TAF3: variants seen among roughly 807,000 people sequenced by gnomAD.
TAF3 encodes the protein transcription initiation factor TFIID subunit 3.
TAF3 carries 7 observed loss-of-function variants against 80.6 expected under a neutral mutation model. The observed-to-expected ratio is 0.09, with a 90% CI of 0.05 to 0.16. The LOEUF (loss-of-function observed/expected upper bound fraction) is 0.16, where lower values mean the gene tolerates loss of function less well. TAF3 is among the 10% of genes least tolerant of loss of function. TAF3 has a pLI of 1.00. For missense variants in TAF3, 921 were observed against 1,140.2 expected, an observed-to-expected ratio of 0.81 and a Z score of 2.77; for synonymous variants, 444 against 446.1, an observed-to-expected ratio of 1.00 and a Z score of 0.06.
chr10:7,932,366 C>G (rs971485142), intron 2 of TAF3, among the ~76,000 whole-genome samples: 24 of 152,180 alleles, frequency 1.6e-4, no homozygotes, highest in African/African-American at 4.8e-4. Flanking sequence ...GGCATCTCAA[C>G]TAGCTAGTGT....
intron 2 of TAF3, among the ~76,000 whole-genome samples, chr10:7,952,230 A>C (rs777530472): frequency 1.6e-4 from 24 of 152,122 alleles, no homozygotes; most frequent in Non-Finnish European, 3.1e-4. Flanking sequence ...AGATATTGAC[A>C]TTGTCTGAAG....
chr10:7,873,462 T>C (rs76027842), intron 2 of TAF3, among the ~76,000 whole-genome samples: 3 of 152,332 alleles, frequency 2.0e-5, no homozygotes, highest in African/African-American at 7.2e-5. Context: ...GAACCTGTCA[T>C]GTAATTTTAG....
intron 2 of TAF3, among the ~76,000 whole-genome samples, chr10:7,931,894 G>T (rs1837872587): frequency 6.6e-6 from 1 of 152,172 alleles, no homozygotes; most frequent in Non-Finnish European, 1.5e-5. Context: ...AAACAGAAAT[G>T]AATTCATTAC....
chr10:7,965,736 T>G lies in TAF3; in HGVS notation c.2226T>G (p.His742Gln). The G allele has an allele frequency of 6.5e-7, 1 of 1,532,280 alleles. No homozygotes were observed. Among genetic ancestry groups the G allele is most frequent in the Non-Finnish European group, 8.7e-7 (1 of 1,149,700 alleles). The allele number at this position is 1,532,280 out of a possible 1,614,324, so 94.9% of individuals were successfully genotyped here. ...AAAAAGAGAAGGAGAAACACAAGCA[T>G]GAAAAAGTAAGCAGTTTCTCATTTT... ...KREKEKEKHK[H>Q]EKIKVEPVAL... Residue 742 changes from histidine to glutamine, a missense_variant, in exon 3 of 7, where the codon CAT (histidine) becomes CAG (glutamine). Physicochemically the swap from His to Gln is conservative, Grantham distance 24 (BLOSUM62 0). Transcript: ENST00000344293.
chr10:7,828,097 C>A (rs954565333), intron 2 of TAF3, among the ~76,000 whole-genome samples: 1 of 152,118 alleles, frequency 6.6e-6, no homozygotes, highest in African/African-American at 2.4e-5. Flanking sequence ...AAGCTGCATT[C>A]AGTGGCACAC....
chr10:7,884,621 C>T (rs1386613946), intron 2 of TAF3, among the ~76,000 whole-genome samples: 1 of 152,152 alleles, frequency 6.6e-6, no homozygotes, highest in Non-Finnish European at 1.5e-5. Flanking sequence ...CTCCTGACCT[C>T]AGGTGATCCA....
chr10:7,886,471 A>G (rs914414473), intron 2 of TAF3, among the ~76,000 whole-genome samples: 12 of 152,344 alleles, frequency 7.9e-5, no homozygotes, highest in African/African-American at 2.9e-4. Context: ...AAAATATATA[A>G]TAACCAAAGA....
intron 4 of TAF3, among the ~76,000 whole-genome samples, chr10:7,981,171 G>A (rs1380422557): frequency 6.6e-6 from 1 of 152,206 alleles, no homozygotes; most frequent in Non-Finnish European, 1.5e-5. Flanking sequence ...TGAATATAGG[G>A]TAGAGGAATA....
chr10:7,899,057 G>A (rs1472281341), intron 2 of TAF3, among the ~76,000 whole-genome samples: 1 of 152,164 alleles, frequency 6.6e-6, no homozygotes, highest in Non-Finnish European at 1.5e-5. Flanking sequence ...CTACCTGGAA[G>A]GGAGGGATTC....
intron 2 of TAF3, among the ~76,000 whole-genome samples, chr10:7,899,771 G>A (rs1344409161): frequency 2.0e-5 from 3 of 152,208 alleles, no homozygotes; most frequent in East Asian, 1.9e-4. Flanking sequence ...GATCACGTTA[G>A]GGATGTGCTC....
At chr10:8,008,799 C>G (rs903814433) in intron 4 of TAF3, among the ~76,000 whole-genome samples, 1 of 152,096 alleles carries the variant, frequency 6.6e-6, no homozygotes, top group Admixed American at 6.5e-5. Flanking sequence ...CAGGAACAGG[C>G]AATTGAAGTC....
chr10:7,923,625 C>T (rs1337778262), intron 2 of TAF3, among the ~76,000 whole-genome samples: 1 of 149,900 alleles, frequency 6.7e-6, no homozygotes, highest in Non-Finnish European at 1.5e-5. Flanking sequence ...CCTCCCCCAA[C>T]AGTTGCTTTG....
At chr10:7,968,747 A>C (rs917444252) in intron 3 of TAF3, among the ~76,000 whole-genome samples, 1 of 152,214 alleles carries the variant, frequency 6.6e-6, no homozygotes, top group African/African-American at 2.4e-5. Context: ...ACAGGAGCCA[A>C]AATTTCAATC....
intron 2 of TAF3, among the ~76,000 whole-genome samples, chr10:7,851,101 A>C (rs1837022558): frequency 6.6e-6 from 1 of 152,262 alleles, no homozygotes; most frequent in Non-Finnish European, 1.5e-5. Context: ...TGTTTGGAAG[A>C]GGATAAGTAC....
At chr10:7,847,441 A>G (rs1193497074) in intron 2 of TAF3, among the ~76,000 whole-genome samples, 1 of 152,182 alleles carries the variant, frequency 6.6e-6, no homozygotes, top group Non-Finnish European at 1.5e-5. Context: ...AAAAGGTTAC[A>G]TGTGTTTAAA....
intron 5 of TAF3, among the ~76,000 whole-genome samples, chr10:8,012,553 G>A (rs1285709096): frequency 1.3e-5 from 2 of 152,228 alleles, no homozygotes; most frequent in African/African-American, 2.4e-5. Flanking sequence ...CCACACGTGG[G>A]AGCTTCAGGG....
intron 2 of TAF3, among the ~76,000 whole-genome samples, chr10:7,886,343 C>T (rs1341319559): frequency 1.3e-5 from 2 of 152,172 alleles, no homozygotes; most frequent in East Asian, 3.9e-4. Context: ...CTTCTCCAAA[C>T]CCCCTTCTGC....
chr10:7,942,447 C>T (rs991769909), intron 2 of TAF3, among the ~76,000 whole-genome samples: 1 of 152,054 alleles, frequency 6.6e-6, no homozygotes, highest in Non-Finnish European at 1.5e-5. Flanking sequence ...TCAAAATGTA[C>T]TTGTATGTTT....
intron 2 of TAF3, among the ~76,000 whole-genome samples, chr10:7,952,883 A>G (rs942803644): frequency 1.3e-5 from 2 of 152,218 alleles, no homozygotes; most frequent in Non-Finnish European, 2.9e-5. Context: ...TTTCTGTTAC[A>G]TTATAGACAG....
Sources: gnomAD v4.1 joint callset for allele counts (sites outside exome capture counted in the v4.1 genomes callset) on GRCh38, gnomAD v4.1.1 for gene constraint, MANE v1.5 for transcripts, NCBI Gene and HGNC (gene_info 2026-07-23, HGNC 2026-07-21) for gene names.